The following CDH9 variants were observed in gnomAD, a reference collection of about 807,000 sequenced individuals.
The protein encoded by CDH9 is cadherin 9.
A neutral mutation model predicts 70.9 loss-of-function variants in CDH9; 28 were observed. The observed-to-expected ratio is 0.40, with a 90% CI of 0.29 to 0.54. CDH9 has a LOEUF of 0.54. CDH9 is among the 20% of genes least tolerant of loss of function. The pLI is 0.59. For missense variants in CDH9, 874 were observed against 984.4 expected (o/e 0.89, Z 1.50); for synonymous variants, 409 against 343.1 (o/e 1.19, Z -2.12).
intron 1 of CDH9, among the ~76,000 whole-genome samples, chr5:26,991,248 G>T (rs1057001228): frequency 6.6e-6 from 1 of 152,158 alleles, no homozygotes; most frequent in Admixed American, 6.6e-5. Context: ...CTTTAATGTG[G>T]CCACACACCC....
At chr5:26,897,605 A>G (rs924398130) in intron 7 of CDH9, among the ~76,000 whole-genome samples, 1 of 152,218 alleles carries the variant, frequency 6.6e-6, no homozygotes, top group African/African-American at 2.4e-5. Flanking sequence ...AAGGCCTTCA[A>G]TAAACTTCAA....
chr5:26,984,013 C>T (rs556847726), intron 2 of CDH9, among the ~76,000 whole-genome samples: 4 of 152,026 alleles, frequency 2.6e-5, no homozygotes, highest in African/African-American at 9.6e-5. Context: ...AAAACAGATT[C>T]CTACCAATTT....
chr5:27,030,178 T>C (rs1262715277), intron 1 of CDH9, among the ~76,000 whole-genome samples: 1 of 151,992 alleles, frequency 6.6e-6, no homozygotes, highest in Non-Finnish European at 1.5e-5. Context: ...TCTACTTATC[T>C]CTTCTTCGTG....
intron 7 of CDH9, among the ~76,000 whole-genome samples, chr5:26,892,432 T>A (rs1214517070): frequency 6.6e-6 from 1 of 152,160 alleles, no homozygotes; most frequent in Non-Finnish European, 1.5e-5. Flanking sequence ...CAGGCTAGGT[T>A]TTATATAGCA....
At chr5:27,011,848 C>T (rs910298215) in intron 1 of CDH9, among the ~76,000 whole-genome samples, 2 of 151,812 alleles carry the variant, frequency 1.3e-5, no homozygotes, top group Non-Finnish European at 2.9e-5. Context: ...GGCAAGGCAC[C>T]AATCTCTCTC....
At chr5:26,908,853 T>A (rs760243279) in intron 3 of CDH9, among the ~76,000 whole-genome samples, 2 of 152,216 alleles carry the variant, frequency 1.3e-5, no homozygotes, top group African/African-American at 2.4e-5. Flanking sequence ...GATATGTTAT[T>A]TTTTAGCAAA....
intron 1 of CDH9, among the ~76,000 whole-genome samples, chr5:26,995,239 T>G (rs2112099053): frequency 6.6e-6 from 1 of 152,316 alleles, no homozygotes; most frequent in East Asian, 1.9e-4. Context: ...TATAAATAAT[T>G]ACTACTTTGA....
chr5:27,012,851 T>G (rs1742982426), intron 1 of CDH9, among the ~76,000 whole-genome samples: 1 of 152,038 alleles, frequency 6.6e-6, no homozygotes, highest in South Asian at 2.1e-4. Flanking sequence ...ACACTGATAT[T>G]AAAATTCTAG....
chr5:26,986,122 G>T (rs763500808), intron 2 of CDH9, among the ~76,000 whole-genome samples: 1 of 151,936 alleles, frequency 6.6e-6, no homozygotes, highest in African/African-American at 2.4e-5. Context: ...TTTTGCTGAG[G>T]TGTCTATTTC....
chr5:26,893,575 C>A (rs1215573978), intron 7 of CDH9, among the ~76,000 whole-genome samples: 1 of 151,934 alleles, frequency 6.6e-6, no homozygotes, highest in Non-Finnish European at 1.5e-5. Context: ...ATGATTGCTG[C>A]CCAAGAGTAG....
intron 1 of CDH9, among the ~76,000 whole-genome samples, chr5:27,026,882 A>G (rs1255582606): frequency 6.6e-6 from 1 of 151,978 alleles, no homozygotes; most frequent in East Asian, 1.9e-4. Flanking sequence ...TTAGAATCAT[A>G]TTTTTCAAAC....
chr5:26,927,619 C>T (rs892671593), intron 2 of CDH9, among the ~76,000 whole-genome samples: 5 of 151,980 alleles, frequency 3.3e-5, no homozygotes, highest in Non-Finnish European at 7.4e-5. Context: ...AAAAACCAAT[C>T]AGCTACTGAG....
intron 2 of CDH9, among the ~76,000 whole-genome samples, chr5:26,959,722 G>A (rs1022735127): frequency 2.6e-5 from 4 of 151,946 alleles, no homozygotes; most frequent in South Asian, 4.1e-4. Flanking sequence ...CCTCAAAAAC[G>A]TTTTGCTAAG....
intron 11 of CDH9, among the ~76,000 whole-genome samples, chr5:26,884,878 G>A (rs1259986620): frequency 6.6e-6 from 1 of 152,140 alleles, no homozygotes; most frequent in Non-Finnish European, 1.5e-5. Context: ...GTTAGTGCAT[G>A]CTCAAATAAA....
intron 1 of CDH9, among the ~76,000 whole-genome samples, chr5:27,030,634 A>T (rs1325351399): frequency 6.6e-6 from 1 of 151,840 alleles, no homozygotes; most frequent in Non-Finnish European, 1.5e-5. Context: ...ACTGCTTTCT[A>T]GGTATCAGCA....
intron 2 of CDH9, among the ~76,000 whole-genome samples, chr5:26,938,293 T>C (rs1213734087): frequency 6.6e-6 from 1 of 151,608 alleles, no homozygotes; most frequent in Admixed American, 6.6e-5. Context: ...ATTATATATA[T>C]TTACACATAT....
rs115492526 is a variant in CDH9 at position 27,009,722 on chromosome 5, T to C, written c.-49-21340A>G. The stretch of plus-strand genomic sequence containing the variant: ...AGCCTCAACAAGACTCAGACTTCCT[T>C]TGTCTGGCCTGGTGGTTTCTCTGGC... On this transcript the variant is annotated intron_variant, in intron 1 of 11. Transcript: ENST00000231021. Among the ~76,000 whole-genome samples the C allele has an allele frequency of 9.6e-3, 1,459 of 152,190 alleles. 26 individuals are homozygous for C. Among genetic ancestry groups the C allele is most frequent in the African/African-American group, 0.033 (1,388 of 41,550 alleles).
chr5:26,927,995 G>A (rs969858115), intron 2 of CDH9, among the ~76,000 whole-genome samples: 1 of 151,986 alleles, frequency 6.6e-6, no homozygotes, highest in African/African-American at 2.4e-5. Flanking sequence ...GTCAAAACCA[G>A]ATTCATATAG....
At chr5:26,973,385 A>G (rs1742253522) in intron 2 of CDH9, among the ~76,000 whole-genome samples, 1 of 152,086 alleles carries the variant, frequency 6.6e-6, no homozygotes, top group African/African-American at 2.4e-5. Context: ...GCATGAACGT[A>G]TCATTTTCTT....
Sources: allele counts gnomAD v4.1 joint callset (sites outside exome capture counted in the v4.1 genomes callset), GRCh38; gene constraint gnomAD v4.1.1; transcripts MANE v1.5; gene names NCBI Gene and HGNC (gene_info 2026-07-23, HGNC 2026-07-21).